Variants in ROBO1 observed in about 807,000 individuals in gnomAD.
ROBO1 encodes the protein roundabout guidance receptor 1.
ROBO1 carries 149 observed loss-of-function variants against 195.9 expected under a neutral mutation model. The observed-to-expected ratio is 0.76, with a 90% CI of 0.67 to 0.87. The LOEUF (loss-of-function observed/expected upper bound fraction) is 0.87. Ranked by LOEUF, ROBO1 falls within the 40% of genes least tolerant of loss-of-function variation. ROBO1 has a pLI of 0.00. For missense variants in ROBO1, 1,933 were observed against 2,068.3 expected, an observed-to-expected ratio of 0.93 and a Z score of 1.27; for synonymous variants, 816 against 733.2, an observed-to-expected ratio of 1.11 and a Z score of -1.82.
chr3:79,118,092 C>A (rs554099096), intron 3 of ROBO1, among the ~76,000 whole-genome samples: 1 of 152,138 alleles, frequency 6.6e-6, no homozygotes, highest in African/African-American at 2.4e-5. Flanking sequence ...ATCATGATAT[C>A]GGCATGTACT....
intron 1 of ROBO1, among the ~76,000 whole-genome samples, chr3:79,751,310 GTTA>G (rs1704119696): frequency 1.3e-5 from 2 of 151,998 alleles, no homozygotes; most frequent in Non-Finnish European, 2.9e-5. Context: ...TGTAAATTCA[GTTA>G]TTGTATTATC....
intron 1 of ROBO1, among the ~76,000 whole-genome samples, chr3:79,728,127 T>C (rs1231640105): frequency 3.5e-5 from 1 of 28,462 alleles, no homozygotes; most frequent in Non-Finnish European, 6.8e-5. Flanking sequence ...TTTGTATATT[T>C]AGATATATCC....
chr3:79,396,618 T>C (rs1042444727), intron 2 of ROBO1, among the ~76,000 whole-genome samples: 3 of 152,130 alleles, frequency 2.0e-5, no homozygotes, highest in South Asian at 4.1e-4. Flanking sequence ...AGTTATCTTG[T>C]TTTATATTTT....
intron 3 of ROBO1, among the ~76,000 whole-genome samples, chr3:79,048,591 A>G (rs1239764809): frequency 1.3e-5 from 2 of 152,124 alleles, no homozygotes; most frequent in African/African-American, 4.8e-5. Context: ...CAAATCCTTG[A>G]CCACTAACTT....
At chr3:79,291,325 C>A (rs1220269809) in intron 2 of ROBO1, among the ~76,000 whole-genome samples, 2 of 152,132 alleles carry the variant, frequency 1.3e-5, no homozygotes, top group Non-Finnish European at 2.9e-5. Context: ...CACAATATAA[C>A]CAATGCAGTC....
intron 2 of ROBO1, among the ~76,000 whole-genome samples, chr3:79,227,317 T>G (rs2082243164): frequency 6.6e-6 from 1 of 152,180 alleles, no homozygotes; most frequent in African/African-American, 2.4e-5. Flanking sequence ...TGTTCTCCAC[T>G]TGCTCTACGG....
rs1023702083 is a variant in ROBO1 at position 78,600,183 on chromosome 3, C to G, written c.4871G>C (p.Arg1624Pro). Residue 1624 changes from arginine (R) to proline (P), a missense_variant, in exon 30 of 31, where the codon CGA (arginine) becomes CCA (proline). By Grantham distance (103) the Arg-to-Pro change is moderately radical. Around this residue, in one of 3 missense-constraint regions of ROBO1, gnomAD observed 1,737 missense variants for 1,882.5 expected, o/e 0.92. Coordinates refer to ENST00000464233, the MANE Select transcript of ROBO1 (RefSeq NM_002941.4). Reference protein sequence around the residue: ...SRQREQANVGRRNIAEMQVLG... With the variant: ...SRQREQANVGPRNIAEMQVLG... ...TACCTGCATTTCTGCAATATTTCTT[C>G]GACCTACATTTGCTTGTTCTCTTTG... 1 of 1,613,544 alleles carries G rather than the reference C, an allele frequency of 6.2e-7. No individual in the cohort carries two copies. The highest frequency in any genetic ancestry group is 2.2e-5 in the East Asian group (1 of 44,822).
At chr3:78,613,189 T>C (rs1383377286) in intron 28 of ROBO1, among the ~76,000 whole-genome samples, 1 of 121,112 alleles carries the variant, frequency 8.3e-6, no homozygotes, top group Admixed American at 8.4e-5. Context: ...TGAACAAGTA[T>C]AAATATGTGG....
At chr3:78,990,517 T>C (rs2077212049) in intron 3 of ROBO1, among the ~76,000 whole-genome samples, 1 of 152,184 alleles carries the variant, frequency 6.6e-6, no homozygotes, top group African/African-American at 2.4e-5. Flanking sequence ...ATTGGATTCA[T>C]ATTTTCAATA....
intron 3 of ROBO1, among the ~76,000 whole-genome samples, chr3:79,092,484 A>T (rs572249012): frequency 2.7e-4 from 41 of 152,290 alleles, no homozygotes; most frequent in Non-Finnish European, 1.3e-4. Context: ...CCAGACAGAG[A>T]TGTCATTGAA....
chr3:78,612,891 C>A, intron 28 of ROBO1, among the ~76,000 whole-genome samples: 1 of 152,106 alleles, frequency 6.6e-6, no homozygotes, highest in East Asian at 1.9e-4. Flanking sequence ...TTCAGATTAA[C>A]TTTTGGCTTC....
At chr3:79,453,505 T>G (rs2039515128) in intron 2 of ROBO1, among the ~76,000 whole-genome samples, 1 of 152,018 alleles carries the variant, frequency 6.6e-6, no homozygotes, top group Non-Finnish European at 1.5e-5. Context: ...ACTTAGGCAT[T>G]TTCACGAAGC....
In ROBO1 at chr3:78,614,636, C is replaced by G; in HGVS notation, c.4435+12G>C. On this transcript the variant is annotated intron_variant, in intron 28 of 30. Coordinates refer to ENST00000464233, the MANE Select transcript of ROBO1 (RefSeq NM_002941.4). The stretch of plus-strand genomic sequence containing the variant: ...GATTCATAGACGTTTTCATCCGTGT[C>G]AATGGACTCACCATCTGTGTAGGTT... 1.2e-6 allele frequency: 2 copies of G among 1,612,910 alleles called. No homozygotes were observed. The highest frequency in any genetic ancestry group is 1.7e-6 in the Non-Finnish European group (2 of 1,179,334).
At chr3:79,557,502 G>A (rs183455680) in intron 2 of ROBO1, among the ~76,000 whole-genome samples, 23 of 151,914 alleles carry the variant, frequency 1.5e-4, no homozygotes, top group African/African-American at 4.1e-4. Context: ...CAGAGGCTGA[G>A]GGGGGTGGAT....
intron 21 of ROBO1, among the ~76,000 whole-genome samples, chr3:78,640,638 A>T (rs974379551): frequency 6.6e-6 from 1 of 152,188 alleles, no homozygotes; most frequent in Non-Finnish European, 1.5e-5. Context: ...TTTACTGTGC[A>T]TTGGGAATGC....
At chr3:79,684,432 G>A (rs943903995) in intron 1 of ROBO1, among the ~76,000 whole-genome samples, 1 of 151,774 alleles carries the variant, frequency 6.6e-6, no homozygotes, top group Admixed American at 6.6e-5. Flanking sequence ...TCTCTAGTTA[G>A]TGAGACATAT....
Position 78,598,833 on chromosome 3 carries a change from T to C in ROBO1, c.*80A>G. The C allele has an allele frequency of 1.1e-6, 1 of 871,222 alleles. No individual in the cohort carries two copies. The highest frequency in any genetic ancestry group is 1.8e-6 in the Non-Finnish European group (1 of 557,740). The allele number at this position is 871,222 out of a possible 1,614,324, so 54.0% of individuals were successfully genotyped here. A position where few individuals can be genotyped will look rare whatever the true frequency, so the allele number is the denominator to read the frequency against. Reference sequence around the variant, plus strand: ...CACTCTGATTGCACTGAACATTTTATCTGGCGTCATGTGTCATCTGACAGG... The same window carrying C: ...CACTCTGATTGCACTGAACATTTTACCTGGCGTCATGTGTCATCTGACAGG... On this transcript the variant is annotated 3_prime_UTR_variant, in exon 31 of 31. Coordinates refer to ENST00000464233, the MANE Select transcript of ROBO1 (RefSeq NM_002941.4).
rs1705820511 is a variant in ROBO1 at position 78,639,811 on chromosome 3, G to A, written c.2970C>T (p.Cys990=). The change falls in exon 22 of 31, where the codon TGC becomes TGT. Residue 990 remains cysteine, a synonymous_variant. Coordinates refer to ENST00000464233, the MANE Select transcript of ROBO1 (RefSeq NM_002941.4). ...WPNTGNNHND[C]SISCCTAGNG... is the part of the protein sequence containing the mutation. Reference sequence around the variant, plus strand: ...TGCCTGCCGTGCAGCAGCTGATGGAGCAGTCATTGTGGTTGTTGCCAGTAT... The same window carrying A: ...TGCCTGCCGTGCAGCAGCTGATGGAACAGTCATTGTGGTTGTTGCCAGTAT... The A allele has an allele frequency of 6.2e-6, 10 of 1,613,514 alleles. No homozygotes were observed. The highest frequency in any genetic ancestry group is 2.2e-5 in the East Asian group (1 of 44,820).
chr3:78,771,252 T>A (rs999934545), intron 4 of ROBO1, among the ~76,000 whole-genome samples: 3 of 152,186 alleles, frequency 2.0e-5, no homozygotes, highest in African/African-American at 7.2e-5. Context: ...TGCACTGGTC[T>A]ATGTGTCCAT....
Sources: gnomAD v4.1 joint callset for allele counts (sites outside exome capture counted in the v4.1 genomes callset) on GRCh38, gnomAD v4.1.1 for gene constraint, gnomAD v4.1.1 regional missense constraint, MANE v1.5 for transcripts, NCBI Gene and HGNC (gene_info 2026-07-23, HGNC 2026-07-21) for gene names.